Variants in SEMA3E observed in about 807,000 individuals in gnomAD.
The protein encoded by SEMA3E is semaphorin 3E, also known as semaphorin-3E.
SEMA3E carries 49 observed loss-of-function variants against 93.6 expected under a neutral mutation model. The observed-to-expected ratio is 0.52, with a 90% CI of 0.42 to 0.66. The LOEUF (loss-of-function observed/expected upper bound fraction) is 0.66. Among genes scored for constraint, SEMA3E ranks in the 30% least tolerant of loss-of-function variants. The pLI, the probability that SEMA3E is intolerant of heterozygous loss-of-function variation, is 0.00. For synonymous variants in SEMA3E, 363 were observed against 330.7 expected (o/e 1.10, Z -1.06); for missense variants, 906 against 964.8 (o/e 0.94, Z 0.81).
At position 83,558,734 on chromosome 7, in the gene SEMA3E, A is replaced by C. The variant is rs909643724; in HGVS notation, c.116-68460T>G. 3.3e-5 allele frequency among the ~76,000 whole-genome samples: 5 copies of C among 152,104 alleles called. No homozygotes were observed. In the East Asian group the frequency reaches 9.6e-4, roughly 29 times the overall value. On this transcript the variant is annotated intron_variant, in intron 1 of 16. Transcript: ENST00000643230. ...TAAAATGAGATAATAAAACTACTTT[A>C]ACAACCTAATATTGAAAGATTAAAA... is the stretch of plus-strand genomic sequence containing the variant.
At chr7:83,611,272 TTATATATTA>T (rs992012367) in intron 1 of SEMA3E, among the ~76,000 whole-genome samples, 1 of 143,468 alleles carries the variant, frequency 7.0e-6, no homozygotes, top group African/African-American at 2.5e-5. Flanking sequence ...ATATATAAAT[TTATATATTA>T]TATATTAAAT....
At chr7:83,611,126 T>G (rs1793245379) in intron 1 of SEMA3E, among the ~76,000 whole-genome samples, 1 of 151,146 alleles carries the variant, frequency 6.6e-6, no homozygotes. Context: ...GCTGTCTCTC[T>G]GCATCTCTAT....
chr7:83,636,953 G>A (rs545606125), intron 1 of SEMA3E, among the ~76,000 whole-genome samples: 15 of 151,812 alleles, frequency 9.9e-5, no homozygotes, highest in African/African-American at 3.1e-4. Flanking sequence ...ACTTTATTAC[G>A]ACCTGTCTCC....
intron 1 of SEMA3E, chr7:83,616,727 CTTTTT>C: frequency 2.4e-6 from 1 of 417,616 alleles, no homozygotes; most frequent in Non-Finnish European, 4.8e-6. Flanking sequence ...TTCTTTCTTT[CTTTTT>C]TTTTTTTTTG....
chr7:83,571,487 A>C (rs28756483), intron 1 of SEMA3E, among the ~76,000 whole-genome samples: 32,459 of 152,110 alleles, frequency 0.21, 3,618 homozygotes, highest in Middle Eastern at 0.29. Flanking sequence ...GATCATCTTC[A>C]CAGGTGTGAA....
intron 4 of SEMA3E, among the ~76,000 whole-genome samples, chr7:83,436,416 T>C (rs911108468): frequency 2.0e-5 from 3 of 151,624 alleles, no homozygotes; most frequent in African/African-American, 4.8e-5. Flanking sequence ...ATAAGAAAGA[T>C]GAAGTTTCTG....
At chr7:83,496,841 A>G (rs1790499438) in intron 1 of SEMA3E, among the ~76,000 whole-genome samples, 1 of 152,064 alleles carries the variant, frequency 6.6e-6, no homozygotes, top group Non-Finnish European at 1.5e-5. Context: ...GAAACAGAAA[A>G]TATACAGGAA....
intron 1 of SEMA3E, among the ~76,000 whole-genome samples, chr7:83,577,989 G>A (rs570262832): frequency 3.0e-3 from 453 of 151,812 alleles, no homozygotes; most frequent in Middle Eastern, 0.011. Context: ...TTGAGGAAAC[G>A]TGTAATCTAA....
intron 1 of SEMA3E, among the ~76,000 whole-genome samples, chr7:83,628,315 C>A (rs1793715921): frequency 6.6e-6 from 1 of 151,968 alleles, no homozygotes; most frequent in Non-Finnish European, 1.5e-5. Flanking sequence ...TCTGTATTTC[C>A]TGAATTTGAA....
intron 1 of SEMA3E, among the ~76,000 whole-genome samples, chr7:83,605,245 C>T (rs1438846285): frequency 6.6e-6 from 1 of 152,136 alleles, no homozygotes; most frequent in African/African-American, 2.4e-5. Context: ...TACATTCCCA[C>T]CCACAGTGTA....
intron 1 of SEMA3E, among the ~76,000 whole-genome samples, chr7:83,577,098 A>G (rs1054925277): frequency 6.6e-6 from 1 of 152,170 alleles, no homozygotes; most frequent in Non-Finnish European, 1.5e-5. Flanking sequence ...CCTAATCACT[A>G]TTCAAAACAC....
Position 83,648,903 on chromosome 7 carries a change from G to GAAAA in SEMA3E, c.-365_-362dup, listed in dbSNP as rs149993646. ...TTCAGAAAAAAAAAAAAAAAAGAGA[G>GAAAA]AAAAAAACAAAACCGAGCACACGCA... On this transcript the variant is annotated 5_prime_UTR_variant, in exon 1 of 17. Transcript: ENST00000643230. 1 of 171,562 alleles carries GAAAA rather than the reference G, an allele frequency of 5.8e-6. No individual in the cohort carries two copies. The highest frequency in any genetic ancestry group is 1.2e-5 in the Non-Finnish European group (1 of 86,274). 10.6% of individuals were successfully genotyped at this position (171,562 alleles called of 1,614,324 possible). A position where few individuals can be genotyped will look rare whatever the true frequency, so the allele number is the denominator to read the frequency against.
intron 16 of SEMA3E, among the ~76,000 whole-genome samples, chr7:83,382,368 G>C (rs1787792808): frequency 6.6e-6 from 1 of 151,972 alleles, no homozygotes; most frequent in Admixed American, 6.6e-5. Context: ...CAGCTTTCGA[G>C]TTAGGAATAC....
At chr7:83,407,580 A>G (rs1484570312) in intron 6 of SEMA3E, among the ~76,000 whole-genome samples, 7 of 152,130 alleles carry the variant, frequency 4.6e-5, no homozygotes, top group Admixed American at 4.6e-4. Context: ...AATCTCTACA[A>G]ATTTCCTCCC....
At chr7:83,613,827 A>G (rs1793313284) in intron 1 of SEMA3E, among the ~76,000 whole-genome samples, 1 of 152,100 alleles carries the variant, frequency 6.6e-6, no homozygotes, top group African/African-American at 2.4e-5. Context: ...TTTCCTAGTC[A>G]TCCCTATTAA....
intron 14 of SEMA3E, among the ~76,000 whole-genome samples, chr7:83,391,086 C>T (rs1788009813): frequency 6.6e-6 from 1 of 152,098 alleles, no homozygotes. Flanking sequence ...CCCTCATATT[C>T]TTCTATTTCA....
chr7:83,483,752 A>G (rs1242495207), intron 2 of SEMA3E, among the ~76,000 whole-genome samples: 1 of 152,220 alleles, frequency 6.6e-6, no homozygotes. Flanking sequence ...AGGAGGTGGG[A>G]AACATCATGT....
chr7:83,477,507 C>T (rs190243393), intron 2 of SEMA3E, among the ~76,000 whole-genome samples: 319 of 152,002 alleles, frequency 2.1e-3, no homozygotes, highest in Middle Eastern at 3.4e-3. Context: ...TATGTTTATG[C>T]CTTTATACTT....
chr7:83,641,075 T>G (rs1365963817), intron 1 of SEMA3E, among the ~76,000 whole-genome samples: 1 of 152,156 alleles, frequency 6.6e-6, no homozygotes. Context: ...TTTCACTAAA[T>G]GCAGCACTGA....
Sources: allele counts gnomAD v4.1 joint callset (sites outside exome capture counted in the v4.1 genomes callset), GRCh38; gene constraint gnomAD v4.1.1; transcripts MANE v1.5; gene names NCBI Gene and HGNC (gene_info 2026-07-23, HGNC 2026-07-21).